Variants in DENR observed in about 807,000 individuals in gnomAD.
The protein encoded by DENR is density regulated re-initiation and release factor, also known as density-regulated protein.
DENR carries 6 observed loss-of-function variants against 30.6 expected under a neutral mutation model. That is an observed-to-expected ratio of 0.20 (90% CI 0.11 to 0.39). The LOEUF (loss-of-function observed/expected upper bound fraction) is 0.39, where lower values mean the gene tolerates loss of function less well. DENR is among the 10% of genes least tolerant of loss of function. DENR has a pLI of 1.00. For synonymous variants in DENR, 78 were observed against 72.1 expected (o/e 1.08, Z -0.41); for missense variants, 141 against 230.9 (o/e 0.61, Z 2.52).
intron 3 of DENR, 71 bp downstream of exon 3, chr12:122,762,277 ATTTTTTTT>A: frequency 9.8e-7 from 1 of 1,022,234 alleles, no homozygotes. Flanking sequence ...TACCTTGAGA[ATTTTTTTT>A]TATTTTTCAT....
intron 6 of DENR, 57 bp downstream of exon 6, chr12:122,767,661 C>CCTCTATCTCTCTGTCTCTCTCTCT: frequency 1.0e-6 from 1 of 990,886 alleles, no homozygotes; most frequent in Non-Finnish European, 1.5e-6. Flanking sequence ...TCTCTGTCTC[C>CCTCTATCTCTCTGTCTCTCTCTCT]CTCTATCTCT....
At chr12:122,760,245 T>C (rs1021099733) in intron 2 of DENR, among the ~76,000 whole-genome samples, 2 of 152,184 alleles carry the variant, frequency 1.3e-5, no homozygotes, top group African/African-American at 4.8e-5. Flanking sequence ...CATCTGAATA[T>C]AGATATGGTA....
At position 122,769,663 on chromosome 12, in the gene DENR, C is replaced by T. The variant is rs570796794; in HGVS notation, c.*585C>T. 52 of 182,666 alleles carry T rather than the reference C, an allele frequency of 2.8e-4. No homozygotes were observed. The highest frequency in any genetic ancestry group is 1.1e-3 in the African/African-American group (45 of 41,766). The allele number at this position is 182,666 out of a possible 1,614,324, so 11.3% of individuals were successfully genotyped here. A position where few individuals can be genotyped will look rare whatever the true frequency, so the allele number is the denominator to read the frequency against. ...GTGGGATTACAGGCGCCCGCCACCA[C>T]GCCCAGCTAATTTTTGTATTTTTAG... On this transcript the variant is annotated 3_prime_UTR_variant, in exon 8 of 8. Coordinates refer to ENST00000280557, the MANE Select transcript of DENR (RefSeq NM_003677.5).
chr12:122,764,051 C>G (rs1878778257), intron 4 of DENR, among the ~76,000 whole-genome samples: 1 of 152,132 alleles, frequency 6.6e-6, no homozygotes, highest in South Asian at 2.1e-4. Flanking sequence ...GCAGAGGACA[C>G]AGCCTGAGGA....
rs1878933081 is a variant in DENR at position 122,769,169 on chromosome 12, C to T, written c.*91C>T. 6 of 1,132,728 alleles carry T rather than the reference C, an allele frequency of 5.3e-6. No homozygotes were observed. Among genetic ancestry groups the T allele is most frequent in the Non-Finnish European group, 7.0e-6 (6 of 853,602 alleles). The allele number at this position is 1,132,728 out of a possible 1,614,324, so 70.2% of individuals were successfully genotyped here. ...CTTTTAAAATATATATATATATACACATATATATGTATATATACACATATA... is the reference window on the plus strand; with the variant it reads ...CTTTTAAAATATATATATATATACATATATATATGTATATATACACATATA... On this transcript the variant is annotated 3_prime_UTR_variant, in exon 8 of 8. Coordinates refer to ENST00000280557, the MANE Select transcript of DENR (RefSeq NM_003677.5).
Position 122,752,842 on chromosome 12 carries a change from T to TGGCGGTCG in DENR, c.-113_-106dup, listed in dbSNP as rs1156433495. 4.6e-5 allele frequency: 7 copies of TGGCGGTCG among 152,538 alleles called. No individual in the cohort carries two copies. Among genetic ancestry groups the TGGCGGTCG allele is most frequent in the African/African-American group, 1.2e-4 (5 of 41,594 alleles). 9.4% of individuals were successfully genotyped at this position (152,538 alleles called of 1,614,324 possible). Reference sequence around the variant, plus strand: ...GCTCATTGTCTCGCGGGAGCGCTGCTGGCGGTCGGGCGCTCGGGCGGCCCT... The same window carrying TGGCGGTCG: ...GCTCATTGTCTCGCGGGAGCGCTGCTGGCGGTCGGGCGGTCGGGCGCTCGGGCGGCCCT... On this transcript the variant is annotated 5_prime_UTR_variant, in exon 1 of 8. Transcript: ENST00000280557.
Position 122,769,825 on chromosome 12 carries a change from T to C in DENR, c.*747T>C, listed in dbSNP as rs1225491220. The C allele has an allele frequency of 6.9e-6, 1 of 144,126 alleles. No individual in the cohort carries two copies. Among genetic ancestry groups the C allele is most frequent in the Non-Finnish European group, 1.5e-5 (1 of 65,888 alleles). 8.9% of individuals were successfully genotyped at this position (144,126 alleles called of 1,614,324 possible). A position where few individuals can be genotyped will look rare whatever the true frequency, so the allele number is the denominator to read the frequency against. ...CAGCCTGAGTTTCTCTTTCTCTCTT[T>C]TTAACTTTATTTTTTGAAAAACCCG... On this transcript the variant is annotated 3_prime_UTR_variant, in exon 8 of 8. Coordinates refer to ENST00000280557, the MANE Select transcript of DENR (RefSeq NM_003677.5).
chr12:122,755,554 G>A (rs556201723), intron 2 of DENR, among the ~76,000 whole-genome samples: 55 of 152,112 alleles, frequency 3.6e-4, no homozygotes, highest in African/African-American at 1.2e-3. Context: ...ACTCCCACCC[G>A]GGCAACAGTG....
In DENR at chr12:122,770,728, T is replaced by C; in HGVS notation, c.*1650T>C. 1 of 398,524 alleles carries C rather than the reference T, an allele frequency of 2.5e-6. No homozygotes were observed. Among genetic ancestry groups the C allele is most frequent in the East Asian group, 3.6e-5 (1 of 28,050 alleles). The allele number at this position is 398,524 out of a possible 1,614,324, so 24.7% of individuals were successfully genotyped here. A position where few individuals can be genotyped will look rare whatever the true frequency, so the allele number is the denominator to read the frequency against. On this transcript the variant is annotated 3_prime_UTR_variant, in exon 8 of 8. Transcript: ENST00000280557. Reference sequence around the variant, plus strand: ...CCCATGGAACCCTTGTTTATCGCCATGCAAATTACAATCTTGAATGAGTGT... The same window carrying C: ...CCCATGGAACCCTTGTTTATCGCCACGCAAATTACAATCTTGAATGAGTGT...
chr12:122,756,965 T>C (rs1878566406), intron 2 of DENR, among the ~76,000 whole-genome samples: 1 of 152,080 alleles, frequency 6.6e-6, no homozygotes, highest in African/African-American at 2.4e-5. Context: ...AAATAAATTA[T>C]GGTAGGATGA....
intron 2 of DENR, among the ~76,000 whole-genome samples, chr12:122,755,584 T>TA (rs373140517): frequency 1.3e-5 from 2 of 152,090 alleles, no homozygotes; most frequent in Admixed American, 6.6e-5. Flanking sequence ...ATCTCAAAAA[T>TA]AAAAAACAAA....
In DENR at chr12:122,769,726, C is replaced by G; in HGVS notation, c.*648C>G. ...TTCACTATGTTGGCCAGGCTGGTCT[C>G]GAACTCCTGACCTCGTGATTGGCCC... On this transcript the variant is annotated 3_prime_UTR_variant, in exon 8 of 8. Transcript: ENST00000280557. 6.5e-6 allele frequency: 1 copy of G among 153,068 alleles called. No individual in the cohort carries two copies. Among genetic ancestry groups the G allele is most frequent in the Non-Finnish European group, 1.5e-5 (1 of 68,646 alleles). The allele number at this position is 153,068 out of a possible 1,614,324, so 9.5% of individuals were successfully genotyped here. A position where few individuals can be genotyped will look rare whatever the true frequency, so the allele number is the denominator to read the frequency against.
chr12:122,763,317 T>C (rs970139073), intron 4 of DENR: 1 of 161,464 alleles, frequency 6.2e-6, no homozygotes, highest in Admixed American at 6.4e-5. Flanking sequence ...GAGAACGGCG[T>C]GAACCTGGGA....
At chr12:122,753,394 T>C (rs1878466100) in intron 1 of DENR, among the ~76,000 whole-genome samples, 1 of 152,162 alleles carries the variant, frequency 6.6e-6, no homozygotes, top group Non-Finnish European at 1.5e-5. Context: ...TTGCTCCGTG[T>C]CTGCCGTGGG....
Position 122,770,674 on chromosome 12 carries a change from T to C in DENR, c.*1596T>C. Reference sequence around the variant, plus strand: ...AAAGAAGACTTGTGGTGTTTTAAGTTGCTGTGGACACTTTTAAGAAACTTA... The same window carrying C: ...AAAGAAGACTTGTGGTGTTTTAAGTCGCTGTGGACACTTTTAAGAAACTTA... On this transcript the variant is annotated 3_prime_UTR_variant, in exon 8 of 8. Coordinates refer to ENST00000280557, the MANE Select transcript of DENR (RefSeq NM_003677.5). The C allele has an allele frequency of 2.5e-6, 1 of 398,554 alleles. No homozygotes were observed. 24.7% of individuals were successfully genotyped at this position (398,554 alleles called of 1,614,324 possible).
intron 4 of DENR, among the ~76,000 whole-genome samples, chr12:122,763,715 TAAAA>T (rs1002650010): frequency 6.6e-6 from 1 of 152,024 alleles, no homozygotes; most frequent in African/African-American, 2.4e-5. Flanking sequence ...AAAACAAAAT[TAAAA>T]AAAGTAAATG....
chr12:122,757,719 G>A (rs1157604893), intron 2 of DENR, among the ~76,000 whole-genome samples: 1 of 152,192 alleles, frequency 6.6e-6, no homozygotes, highest in South Asian at 2.1e-4. Flanking sequence ...TGGGCTGGTA[G>A]GAGTTGAGTC....
intron 4 of DENR, chr12:122,763,244 G>GAA (rs11384734): frequency 4.7e-3 from 715 of 151,778 alleles, no homozygotes; most frequent in South Asian, 0.012. Flanking sequence ...TACTAAAAAT[G>GAA]AAAAAAAAAA....
rs1490301691 is a variant in DENR at position 122,770,311 on chromosome 12, G to T, written c.*1233G>T. ...ATGGTTAAAGAAGTGATGGTGCATT[G>T]TGTGGTAGAATATTATGCATATGTT... On this transcript the variant is annotated 3_prime_UTR_variant, in exon 8 of 8. Coordinates refer to ENST00000280557, the MANE Select transcript of DENR (RefSeq NM_003677.5). The T allele has an allele frequency of 8.2e-6, 2 of 244,588 alleles. No individual in the cohort carries two copies. The highest frequency in any genetic ancestry group is 4.4e-5 in the African/African-American group (2 of 45,016). 15.2% of individuals were successfully genotyped at this position (244,588 alleles called of 1,614,324 possible).
Sources: gnomAD v4.1 joint callset for allele counts (sites outside exome capture counted in the v4.1 genomes callset) on GRCh38, gnomAD v4.1.1 for gene constraint, MANE v1.5 for transcripts, NCBI Gene and HGNC (gene_info 2026-07-23, HGNC 2026-07-21) for gene names.